The following GALNT13 variants were observed in gnomAD, a reference collection of about 807,000 sequenced individuals.
GALNT13 encodes polypeptide N-acetylgalactosaminyltransferase 13.
Under a neutral mutation model 64.2 loss-of-function variants are expected in GALNT13, and 28 were observed. The ratio of observed to expected loss-of-function variants is 0.44; its 90% CI spans 0.32 to 0.60. The LOEUF is 0.60. GALNT13 is among the 20% of genes least tolerant of loss of function. GALNT13 has a pLI of 0.05. For synonymous variants in GALNT13, 214 were observed against 224.6 expected (o/e 0.95, Z 0.42); for missense variants, 577 against 669.8 (o/e 0.86, Z 1.53).
the GALNT13 span, among the ~76,000 whole-genome samples, chr2:153,082,656 CACACACACAT>C: frequency 2.6e-5 from 2 of 77,776 alleles, no homozygotes; most frequent in African/African-American, 9.3e-5. Context: ...CACACACACA[CACACACACAT>C]ATATATAATT....
At chr2:153,656,474 T>G in the GALNT13 span, among the ~76,000 whole-genome samples, 1 of 152,110 alleles carries the variant, frequency 6.6e-6, no homozygotes, top group Non-Finnish European at 1.5e-5. Flanking sequence ...AGAGACTATT[T>G]CAACTATTTT....
chr2:154,055,177 G>C (rs1699834949), intron 3 of GALNT13, among the ~76,000 whole-genome samples: 3 of 152,002 alleles, frequency 2.0e-5, no homozygotes, highest in Admixed American at 6.6e-5. Context: ...TGCCTGTGTA[G>C]ATACAGCTAT....
At chr2:153,478,910 A>C in the GALNT13 span, 2 of 296,036 alleles carry the variant, frequency 6.8e-6, 1 homozygote, top group Middle Eastern at 1.8e-3. Context: ...CTGAGCAAAC[A>C]GCGGCCCCTT....
intron 8 of GALNT13, among the ~76,000 whole-genome samples, chr2:154,275,575 A>T (rs1034363811): frequency 1.3e-5 from 2 of 152,116 alleles, no homozygotes; most frequent in Non-Finnish European, 2.9e-5. Context: ...GTTTCAGAGG[A>T]TGTGTGGAAA....
At chr2:153,339,553 T>C in the GALNT13 span, among the ~76,000 whole-genome samples, 2 of 152,224 alleles carry the variant, frequency 1.3e-5, no homozygotes, top group Non-Finnish European at 2.9e-5. Flanking sequence ...TATTCTCCTA[T>C]TCTGTAAGTT....
chr2:154,299,050 A>G (rs1158530312), intron 8 of GALNT13, among the ~76,000 whole-genome samples: 1 of 147,160 alleles, frequency 6.8e-6, no homozygotes, highest in African/African-American at 2.5e-5. Flanking sequence ...TATATAAAAT[A>G]TAAAATGTAG....
chr2:153,621,482 C>T, the GALNT13 span, among the ~76,000 whole-genome samples: 1 of 152,154 alleles, frequency 6.6e-6, no homozygotes, highest in African/African-American at 2.4e-5. Flanking sequence ...GTAACTGGAA[C>T]TCTACAATCC....
chr2:153,469,548 G>A, the GALNT13 span, among the ~76,000 whole-genome samples: 1 of 152,052 alleles, frequency 6.6e-6, no homozygotes, highest in South Asian at 2.1e-4. Flanking sequence ...AACAATGACG[G>A]TTCAATTTCC....
intron 10 of GALNT13, among the ~76,000 whole-genome samples, chr2:154,404,879 A>G (rs13410493): frequency 0.46 from 69,699 of 151,652 alleles, 16,651 homozygotes; most frequent in East Asian, 0.62. Context: ...GGTGTTCCAT[A>G]TTTGTGAAAA....
chr2:153,233,565 G>A, the GALNT13 span, among the ~76,000 whole-genome samples: 1 of 151,424 alleles, frequency 6.6e-6, no homozygotes, highest in Admixed American at 6.6e-5. Flanking sequence ...TGCATTATGT[G>A]GATTATGACT....
Position 154,453,469 on chromosome 2 carries a change from G to A in GALNT13, c.*2918G>A, listed in dbSNP as rs548227835. ...AAGAAAGTTCCTGCTTTAGTGTTTTGTTCCCTCTGCCCCAGAGAGCTCCCC... is the reference window on the plus strand; with the variant it reads ...AAGAAAGTTCCTGCTTTAGTGTTTTATTCCCTCTGCCCCAGAGAGCTCCCC... On this transcript the variant is annotated 3_prime_UTR_variant, in exon 13 of 13. Transcript: ENST00000392825. 6.6e-6 allele frequency: 1 copy of A among 151,984 alleles called. No homozygotes were observed. Among genetic ancestry groups the A allele is most frequent in the Non-Finnish European group, 1.5e-5 (1 of 68,098 alleles). 9.4% of individuals were successfully genotyped at this position (151,984 alleles called of 1,614,324 possible).
At chr2:153,277,022 T>C in the GALNT13 span, among the ~76,000 whole-genome samples, 1 of 152,220 alleles carries the variant, frequency 6.6e-6, no homozygotes, top group African/African-American at 2.4e-5. Flanking sequence ...ATCATCTTGT[T>C]ATTATTCAAT....
intron 3 of GALNT13, among the ~76,000 whole-genome samples, chr2:153,960,518 T>C (rs1381831942): frequency 1.3e-5 from 2 of 152,220 alleles, no homozygotes; most frequent in Admixed American, 1.3e-4. Flanking sequence ...CAGGGCAGTT[T>C]TGCAGTCACA....
the GALNT13 span, among the ~76,000 whole-genome samples, chr2:153,345,737 C>CCTAA: frequency 1.4e-5 from 2 of 139,304 alleles, no homozygotes; most frequent in Non-Finnish European, 3.1e-5. Flanking sequence ...TTCCTTCCTT[C>CCTAA]CTTCCTTCCT....
At chr2:153,301,309 C>CAAAAAAAAAAAA in the GALNT13 span, among the ~76,000 whole-genome samples, 25 of 76,410 alleles carry the variant, frequency 3.3e-4, 2 homozygotes, top group East Asian at 4.9e-4. Flanking sequence ...GACTCCTTCT[C>CAAAAAAAAAAAA]AAAAAAAAAG....
rs550341644 is a variant in GALNT13 at position 154,147,702 on chromosome 2, ATTTG to A, written c.311+7209_311+7212del. 1.0e-3 allele frequency among the ~76,000 whole-genome samples: 156 copies of A among 151,998 alleles called. 1 individual carries two copies. The highest frequency in any genetic ancestry group is 3.4e-3 in the African/African-American group (139 of 41,484). ...ATATATTCAAGTTTACCAAATACCT[ATTTG>A]TTTGTTTGTTTTTGCAAATTCTAAT... On this transcript the variant is annotated intron_variant, in intron 4 of 12. Transcript: ENST00000392825.
intron 3 of GALNT13, among the ~76,000 whole-genome samples, chr2:154,048,047 T>C (rs1177613850): frequency 1.3e-5 from 2 of 152,184 alleles, no homozygotes. Flanking sequence ...TCAGGGAGCA[T>C]AGTAGCTTCT....
the GALNT13 span, among the ~76,000 whole-genome samples, chr2:153,609,315 T>C: frequency 6.6e-6 from 1 of 152,110 alleles, no homozygotes; most frequent in Non-Finnish European, 1.5e-5. Context: ...CAAAGGACGT[T>C]TGTATCTAAG....
At chr2:153,179,726 C>A in the GALNT13 span, among the ~76,000 whole-genome samples, 1 of 152,040 alleles carries the variant, frequency 6.6e-6, no homozygotes, top group East Asian at 1.9e-4. Flanking sequence ...TCAATTTTTT[C>A]ATTAACATTT....
Sources: gnomAD v4.1 joint callset for allele counts (sites outside exome capture counted in the v4.1 genomes callset) on GRCh38, gnomAD v4.1.1 for gene constraint, MANE v1.5 for transcripts, NCBI Gene and HGNC (gene_info 2026-07-23, HGNC 2026-07-21) for gene names.